Variants in IL15 observed in about 807,000 individuals in gnomAD.
IL15 encodes interleukin-15.
Under a neutral mutation model 19.6 loss-of-function variants are expected in IL15, and 11 were observed. The observed-to-expected ratio is 0.56, with a 90% CI of 0.35 to 0.93. The LOEUF (loss-of-function observed/expected upper bound fraction) is 0.93. Ranked by LOEUF, IL15 falls within the 40% of genes least tolerant of loss-of-function variation. IL15 has a pLI of 0.01. For synonymous variants in IL15, 58 were observed against 59.6 expected (o/e 0.97, Z 0.12); for missense variants, 197 against 186.5 (o/e 1.06, Z -0.33).
intron 5 of IL15, among the ~76,000 whole-genome samples, chr4:141,725,987 A>T (rs1391284938): frequency 3.0e-4 from 46 of 152,122 alleles, no homozygotes; most frequent in Non-Finnish European, 2.9e-5. Flanking sequence ...GAATGTACTC[A>T]TGTGCTAGCT....
rs117059983 is a variant in IL15, at chr4:141,726,140, A to T, written c.196-1800A>T. On this transcript the variant is annotated intron_variant, in intron 5 of 7. Transcript: ENST00000320650. Reference sequence around the variant, plus strand: ...ACCTCTCAATACTGCCACATTGGGGATTAAGTTTCAATCTGAATTTTGGAG... The same window carrying T: ...ACCTCTCAATACTGCCACATTGGGGTTTAAGTTTCAATCTGAATTTTGGAG... Among the ~76,000 whole-genome samples the T allele has an allele frequency of 3.3e-3, 498 of 152,250 alleles. 11 individuals carry two copies. The East Asian group carries it at 0.058, about 18-fold the overall frequency.
chr4:141,649,314 A>G (rs1309849522), intron 1 of IL15, among the ~76,000 whole-genome samples: 1 of 152,076 alleles, frequency 6.6e-6, no homozygotes, highest in African/African-American at 2.4e-5. Flanking sequence ...CATAGTCCCA[A>G]GTACGTTAAC....
intron 2 of IL15, among the ~76,000 whole-genome samples, chr4:141,707,888 C>T (rs560806070): frequency 6.6e-6 from 1 of 152,274 alleles, no homozygotes; most frequent in Non-Finnish European, 1.5e-5. Context: ...AGCAAGGTGG[C>T]TGTGTGGCTT....
At chr4:141,713,289 G>A (rs952644348) in intron 2 of IL15, among the ~76,000 whole-genome samples, 2 of 152,142 alleles carry the variant, frequency 1.3e-5, no homozygotes, top group African/African-American at 4.8e-5. Context: ...ATCTGTAGCG[G>A]TCAAAAGCTG....
At chr4:141,645,829 G>T (rs1280879744) in intron 1 of IL15, among the ~76,000 whole-genome samples, 1 of 152,050 alleles carries the variant, frequency 6.6e-6, no homozygotes, top group Non-Finnish European at 1.5e-5. Context: ...TCTGGCTGTT[G>T]TCTGGGCTCC....
intron 2 of IL15, among the ~76,000 whole-genome samples, chr4:141,667,376 T>C (rs889006623): frequency 2.6e-5 from 4 of 152,138 alleles, no homozygotes; most frequent in African/African-American, 7.2e-5. Flanking sequence ...TCCAGGTAGA[T>C]AGTGTCAGGA....
chr4:141,710,820 A>T (rs570166129), intron 2 of IL15, among the ~76,000 whole-genome samples: 1 of 151,772 alleles, frequency 6.6e-6, no homozygotes. Flanking sequence ...TTTTCTCTTG[A>T]CTTTTTGCAA....
intron 2 of IL15, among the ~76,000 whole-genome samples, chr4:141,710,364 G>A (rs1229094479): frequency 6.6e-6 from 1 of 152,090 alleles, no homozygotes; most frequent in Non-Finnish European, 1.5e-5. Flanking sequence ...ATATTGTTTA[G>A]TACTTCTCAC....
chr4:141,732,548 A>C (rs10519612), intron 7 of IL15, among the ~76,000 whole-genome samples, 190 bp from the exon 8 acceptor site: 16,802 of 152,216 alleles, frequency 0.11, 1,550 homozygotes, highest in East Asian at 0.41. Flanking sequence ...CATTATTGGA[A>C]AAATAAACAT....
At chr4:141,701,391 G>A (rs2152181810) in intron 2 of IL15, among the ~76,000 whole-genome samples, 1 of 151,960 alleles carries the variant, frequency 6.6e-6, no homozygotes, top group South Asian at 2.1e-4. Flanking sequence ...CTTTGTATGA[G>A]TTCCTTAGTT....
chr4:141,707,579 GTA>G (rs1326165731), intron 2 of IL15, among the ~76,000 whole-genome samples: 1 of 152,162 alleles, frequency 6.6e-6, no homozygotes, highest in African/African-American at 2.4e-5. Flanking sequence ...AAATCCTAGG[GTA>G]TAAGTTCAGC....
At chr4:141,657,106 C>G (rs188651858) in intron 2 of IL15, among the ~76,000 whole-genome samples, 138 of 152,228 alleles carry the variant, frequency 9.1e-4, no homozygotes, top group African/African-American at 3.0e-3. Flanking sequence ...TGGTTCTAAG[C>G]TACAAACCTG....
intron 2 of IL15, among the ~76,000 whole-genome samples, chr4:141,685,086 T>G (rs1728666874): frequency 6.6e-6 from 1 of 152,210 alleles, no homozygotes; most frequent in African/African-American, 2.4e-5. Flanking sequence ...AATGGACATT[T>G]ATTAAACTTC....
chr4:141,691,035 A>G (rs1347127597), intron 2 of IL15, among the ~76,000 whole-genome samples: 1 of 147,776 alleles, frequency 6.8e-6, no homozygotes, highest in East Asian at 1.9e-4. Flanking sequence ...ATCAATTTTC[A>G]TACTGATATA....
chr4:141,698,851 A>AT (rs1485995591), intron 2 of IL15, among the ~76,000 whole-genome samples: 4 of 148,180 alleles, frequency 2.7e-5, no homozygotes, highest in East Asian at 4.0e-4. Flanking sequence ...GATCTTTGTT[A>AT]TTTTTTTTCT....
chr4:141,718,542 T>G (rs1729968061), intron 2 of IL15: 1 of 152,222 alleles, frequency 6.6e-6, no homozygotes, highest in Non-Finnish European at 1.5e-5. Flanking sequence ...GTATTTCTAT[T>G]GGATACACCT....
At chr4:141,721,264 A>T (rs1730066185) in intron 4 of IL15, 1 of 707,098 alleles carries the variant, frequency 1.4e-6, no homozygotes, top group South Asian at 1.5e-5. Flanking sequence ...TTTTTCCTCA[A>T]GCTCTAAGCA....
chr4:141,690,080 C>T (rs1317211383), intron 2 of IL15, among the ~76,000 whole-genome samples: 1 of 152,180 alleles, frequency 6.6e-6, no homozygotes, highest in African/African-American at 2.4e-5. Flanking sequence ...TCCAGTACAC[C>T]CTCTGCAGCC....
chr4:141,676,907 A>G (rs1273586928), intron 2 of IL15, among the ~76,000 whole-genome samples: 2 of 152,222 alleles, frequency 1.3e-5, no homozygotes, highest in Non-Finnish European at 2.9e-5. Flanking sequence ...TGCCAGTGCC[A>G]CACTATGAGG....
Sources: allele counts gnomAD v4.1 joint callset (sites outside exome capture counted in the v4.1 genomes callset), GRCh38; gene constraint gnomAD v4.1.1; transcripts MANE v1.5; gene names NCBI Gene and HGNC (gene_info 2026-07-23, HGNC 2026-07-21).